NRXN1: variants seen among roughly 807,000 people sequenced by gnomAD.
NRXN1 encodes the protein neurexin-1.
A neutral mutation model predicts 150.9 loss-of-function variants in NRXN1; 39 were observed. The ratio of observed to expected loss-of-function variants is 0.26; its 90% CI spans 0.20 to 0.34. The LOEUF (loss-of-function observed/expected upper bound fraction) is 0.34. NRXN1 is among the 10% of genes least tolerant of loss of function. NRXN1 has a pLI of 1.00. For missense variants in NRXN1, 1,815 were observed against 1,949.9 expected (o/e 0.93, Z 1.30); for synonymous variants, 924 against 757.0 (o/e 1.22, Z -3.62).
At chr2:50,305,657 C>T (rs940251106) in intron 17 of NRXN1, among the ~76,000 whole-genome samples, 4 of 152,138 alleles carry the variant, frequency 2.6e-5, no homozygotes, top group South Asian at 4.1e-4. Flanking sequence ...AAGTTGATTG[C>T]TAATAAGCAT....
intron 17 of NRXN1, among the ~76,000 whole-genome samples, chr2:50,262,772 G>A (rs956480746): frequency 5.9e-5 from 9 of 151,888 alleles, no homozygotes; most frequent in Non-Finnish European, 1.2e-4. Context: ...CATGCTTCTG[G>A]TTGAGAAAAA....
intron 15 of NRXN1, among the ~76,000 whole-genome samples, chr2:50,481,682 T>G (rs2090466879): frequency 1.3e-5 from 2 of 151,846 alleles, no homozygotes; most frequent in African/African-American, 4.8e-5. Flanking sequence ...TTTCCTGTAG[T>G]GAGTTTTGGG....
chr2:50,890,474 A>G (rs1356059339), intron 5 of NRXN1, among the ~76,000 whole-genome samples: 1 of 151,828 alleles, frequency 6.6e-6, no homozygotes, highest in Non-Finnish European at 1.5e-5. Flanking sequence ...GTGAAAATTT[A>G]TTTCAAAGTT....
chr2:50,314,952 G>A (rs2075473215), intron 17 of NRXN1, among the ~76,000 whole-genome samples: 1 of 151,546 alleles, frequency 6.6e-6, no homozygotes, highest in African/African-American at 2.4e-5. Flanking sequence ...CCCAGCTTTG[G>A]ATTTTTTTTT....
chr2:50,737,126 G>A (rs1429189803), intron 5 of NRXN1, among the ~76,000 whole-genome samples: 1 of 152,078 alleles, frequency 6.6e-6, no homozygotes, highest in African/African-American at 2.4e-5. Context: ...GGGCATGGCA[G>A]TGCGTGCCTG....
intron 5 of NRXN1, among the ~76,000 whole-genome samples, chr2:50,894,328 C>A (rs1574852581): frequency 6.8e-6 from 1 of 146,830 alleles, no homozygotes; most frequent in East Asian, 2.0e-4. Flanking sequence ...TAAAATAAAA[C>A]CAAAAAAAAA....
chr2:50,971,310 C>T (rs987444256), intron 2 of NRXN1, among the ~76,000 whole-genome samples: 19 of 152,174 alleles, frequency 1.2e-4, no homozygotes, highest in Admixed American at 2.6e-4. Flanking sequence ...ACAGGCCGGG[C>T]GTGGTGGCTC....
intron 5 of NRXN1, among the ~76,000 whole-genome samples, chr2:50,854,525 A>G (rs1347803720): frequency 2.0e-5 from 3 of 152,132 alleles, no homozygotes; most frequent in Non-Finnish European, 2.9e-5. Flanking sequence ...ACTGTCTTAC[A>G]TATTTCAAAT....
rs1343238181 is a variant in NRXN1, at chr2:50,389,308, C to T, written c.3364+76134G>A. 2.0e-5 allele frequency among the ~76,000 whole-genome samples: 3 copies of T among 148,600 alleles called. No homozygotes were observed. In the East Asian group the frequency reaches 5.9e-4, roughly 29 times the overall value. ...TATCTAGTATCAGTCTTCTTTATTC[C>T]TAAAATATGGAATAAAATATGAACA... On this transcript the variant is annotated intron_variant, in intron 17 of 22. Transcript: ENST00000401669.
At chr2:50,413,898 C>T (rs751425176) in intron 17 of NRXN1, among the ~76,000 whole-genome samples, 3 of 151,956 alleles carry the variant, frequency 2.0e-5, no homozygotes, top group Non-Finnish European at 2.9e-5. Flanking sequence ...TGGAACTGGG[C>T]ATTATTATGT....
intron 18 of NRXN1, among the ~76,000 whole-genome samples, chr2:50,167,134 C>T (rs534981625): frequency 3.9e-5 from 6 of 152,052 alleles, no homozygotes; most frequent in African/African-American, 2.4e-5. Flanking sequence ...GTCTCAACAC[C>T]GAGTACTAAT....
At chr2:50,179,089 G>C (rs1300947079) in intron 18 of NRXN1, among the ~76,000 whole-genome samples, 1 of 152,126 alleles carries the variant, frequency 6.6e-6, no homozygotes, top group Non-Finnish European at 1.5e-5. Flanking sequence ...AATCAGAAAA[G>C]ACATTTAAGA....
At chr2:50,462,363 A>T (rs1434526112) in intron 17 of NRXN1, among the ~76,000 whole-genome samples, 1 of 151,846 alleles carries the variant, frequency 6.6e-6, no homozygotes, top group Non-Finnish European at 1.5e-5. Context: ...GGTTAGGAGA[A>T]TTAGGAGAGA....
At chr2:50,797,380 C>T (rs1034236354) in intron 5 of NRXN1, among the ~76,000 whole-genome samples, 2 of 152,020 alleles carry the variant, frequency 1.3e-5, no homozygotes, top group Admixed American at 1.3e-4. Flanking sequence ...TCTTATGACA[C>T]ACTTGATTGT....
chr2:50,443,433 G>A (rs2086138504), intron 17 of NRXN1, among the ~76,000 whole-genome samples: 1 of 152,176 alleles, frequency 6.6e-6, no homozygotes, highest in South Asian at 2.1e-4. Context: ...TTGTGAGTTT[G>A]TATGAGGACA....
At chr2:50,176,223 T>C (rs536980056) in intron 18 of NRXN1, among the ~76,000 whole-genome samples, 1 of 152,308 alleles carries the variant, frequency 6.6e-6, no homozygotes, top group East Asian at 1.9e-4. Flanking sequence ...GTTTCACATA[T>C]GTTTCAGCTC....
chr2:50,944,497 C>T (rs1690002544), intron 2 of NRXN1, among the ~76,000 whole-genome samples: 1 of 152,118 alleles, frequency 6.6e-6, no homozygotes, highest in East Asian at 1.9e-4. Flanking sequence ...GAATAATAGA[C>T]ACCCAAATAC....
chr2:50,606,785 A>G (rs558221625), intron 8 of NRXN1, among the ~76,000 whole-genome samples: 1 of 152,142 alleles, frequency 6.6e-6, no homozygotes. Flanking sequence ...GAAAAAAGTG[A>G]TAGTTTTAAT....
chr2:49,922,028 C>G lies in NRXN1; in HGVS notation c.4440G>C (p.Gly1480=). ...TGGGTTGTTTCTCCTTTACAACAGC[C>G]CCATTGGACTGTGCTGAGTTACTGA... ...NYISNSAQSN[G]AVVKEKQPSS... The change falls in exon 23 of 23, where the codon GGG becomes GGC. Residue 1480 remains glycine, a synonymous_variant. Transcript: ENST00000401669. 1 of 1,614,012 alleles carries G rather than the reference C, an allele frequency of 6.2e-7. No individual in the cohort carries two copies. Among genetic ancestry groups the G allele is most frequent in the Non-Finnish European group, 8.5e-7 (1 of 1,180,008 alleles).
Sources: gnomAD v4.1 joint callset for allele counts (sites outside exome capture counted in the v4.1 genomes callset) on GRCh38, gnomAD v4.1.1 for gene constraint, MANE v1.5 for transcripts, NCBI Gene and HGNC (gene_info 2026-07-23, HGNC 2026-07-21) for gene names.